Variants in DPY30 observed in about 807,000 individuals in gnomAD.
The protein encoded by DPY30 is protein dpy-30 homolog.
DPY30 carries 6 observed loss-of-function variants against 16.2 expected under a neutral mutation model. The observed-to-expected ratio is 0.37, with a 90% confidence interval of 0.20 to 0.73. DPY30 has a LOEUF of 0.73. Ranked by LOEUF, DPY30 falls within the 30% of genes least tolerant of loss-of-function variation. The pLI is 0.51. For missense variants in DPY30, 73 were observed against 113.1 expected, an observed-to-expected ratio of 0.65 and a Z score of 1.61; for synonymous variants, 39 against 38.8, an observed-to-expected ratio of 1.00 and a Z score of -0.02.
intron 3 of DPY30, among the ~76,000 whole-genome samples, chr2:32,037,883 T>C (rs922715197): frequency 2.6e-5 from 4 of 151,752 alleles, no homozygotes; most frequent in African/African-American, 9.7e-5. Flanking sequence ...ACAAGACATG[T>C]GTGATTCAGT....
chr2:32,012,426 T>C (rs1188042214), intron 5 of DPY30, among the ~76,000 whole-genome samples: 190 of 120,374 alleles, frequency 1.6e-3, no homozygotes, highest in Non-Finnish European at 2.3e-3. Context: ...TTTCTTTTTT[T>C]TTTTTTTTTT....
downstream of DPY30, chr2:32,023,699 G>A (rs1231185679): frequency 5.4e-6 from 7 of 1,299,240 alleles, no homozygotes; most frequent in Non-Finnish European, 7.1e-6. Flanking sequence ...TTAAGCCATT[G>A]AAGATGCCCA....
intron 3 of DPY30, among the ~76,000 whole-genome samples, chr2:32,034,141 T>C (rs1675650731): frequency 6.6e-6 from 1 of 152,170 alleles, no homozygotes; most frequent in South Asian, 2.1e-4. Flanking sequence ...ACTAAACATA[T>C]TGCCTTCCAG....
At chr2:32,025,801 G>GAA (rs764218451) in intron 4 of DPY30, among the ~76,000 whole-genome samples, 1 of 141,348 alleles carries the variant, frequency 7.1e-6, no homozygotes, top group Non-Finnish European at 1.5e-5. Flanking sequence ...GGGCCGGGGG[G>GAA]AAAAAAAAAA....
At chr2:32,014,782 C>T (rs1473331227) in intron 5 of DPY30, among the ~76,000 whole-genome samples, 28 of 151,012 alleles carry the variant, frequency 1.9e-4, no homozygotes, top group Middle Eastern at 3.4e-3. Context: ...CACGCCTGGC[C>T]GAGACCCCAT....
At chr2:32,012,598 C>G (rs1009393140) in intron 5 of DPY30, among the ~76,000 whole-genome samples, 5 of 151,676 alleles carry the variant, frequency 3.3e-5, no homozygotes, top group African/African-American at 1.2e-4. Flanking sequence ...CCACCATGCC[C>G]AGCTAATTTT....
chr2:32,012,572 G>A (rs1674978247), intron 5 of DPY30, among the ~76,000 whole-genome samples: 1 of 151,422 alleles, frequency 6.6e-6, no homozygotes, highest in Non-Finnish European at 1.5e-5. Context: ...CTGGGATCAT[G>A]GGTGCCCACC....
rs912601709 is a variant in DPY30, at chr2:32,030,065, A to C, written c.85-329T>G. ...ATGTATCTTCTTAGAGTGTGTTCCC[A>C]AAAAAAAAAAAAAAAAATAATGAAT... On this transcript the variant is annotated intron_variant, in intron 3 of 4. Transcript: ENST00000342166. 1.1e-4 allele frequency among the ~76,000 whole-genome samples: 13 copies of C among 123,592 alleles called. No individual in the cohort carries two copies. The East Asian group carries it at 1.5e-3, about 14-fold the overall frequency. 81.1% of individuals were successfully genotyped at this position (123,592 alleles called of 152,430 possible).
At chr2:32,038,198 T>A (rs1209142084) in intron 3 of DPY30, among the ~76,000 whole-genome samples, 1 of 145,764 alleles carries the variant, frequency 6.9e-6, no homozygotes, top group Non-Finnish European at 1.5e-5. Flanking sequence ...TGCAGTGGCA[T>A]GATCTCGGCT....
At chr2:32,031,057 C>T (rs544997646) in intron 3 of DPY30, among the ~76,000 whole-genome samples, 35 of 152,170 alleles carry the variant, frequency 2.3e-4, no homozygotes, top group Middle Eastern at 3.4e-3. Context: ...CAAATAGATT[C>T]GACTGACATT....
At chr2:32,016,742 T>G (rs956667237) in intron 5 of DPY30, among the ~76,000 whole-genome samples, 7 of 152,094 alleles carry the variant, frequency 4.6e-5, no homozygotes, top group African/African-American at 1.4e-4. Flanking sequence ...ATGAACTCAC[T>G]CTTAAGGGAT....
At chr2:32,031,108 C>T (rs1675521149) in intron 3 of DPY30, among the ~76,000 whole-genome samples, 1 of 152,174 alleles carries the variant, frequency 6.6e-6, no homozygotes, top group Non-Finnish European at 1.5e-5. Context: ...ATCGCACTCA[C>T]ATTTTTAAAA....
downstream of DPY30, chr2:32,021,003 T>C: frequency 6.7e-6 from 1 of 150,372 alleles, no homozygotes; most frequent in Non-Finnish European, 1.5e-5. Context: ...GCACGGTGGC[T>C]CACGCCTGTA....
chr2:32,017,714 T>G (rs746571286), intron 5 of DPY30, among the ~76,000 whole-genome samples: 8 of 152,228 alleles, frequency 5.3e-5, no homozygotes, highest in Non-Finnish European at 1.0e-4. Context: ...TCCAACTTAT[T>G]TATACCAGTT....
chr2:32,012,593 A>T (rs556006021), intron 5 of DPY30, among the ~76,000 whole-genome samples: 200 of 151,812 alleles, frequency 1.3e-3, no homozygotes, highest in Admixed American at 2.6e-3. Context: ...ACCATCCACC[A>T]TGCCCAGCTA....
chr2:32,029,818 G>A, intron 3 of DPY30, 82 bp from the exon 4 acceptor site: 1 of 1,479,902 alleles, frequency 6.8e-7, no homozygotes, highest in East Asian at 2.3e-5. Flanking sequence ...ATGGAAATAT[G>A]ACACTAATAG....
downstream of DPY30, among the ~76,000 whole-genome samples, chr2:32,023,039 T>C (rs1196434346): frequency 6.6e-6 from 1 of 151,702 alleles, no homozygotes; most frequent in Non-Finnish European, 1.5e-5. Context: ...CCCACCTAGC[T>C]GGGCATGGTG....
chr2:32,019,049 A>G (rs756855508), downstream of DPY30, among the ~76,000 whole-genome samples: 64 of 152,072 alleles, frequency 4.2e-4, 1 homozygote, highest in Non-Finnish European at 1.0e-4. Context: ...AAAACTTTCT[A>G]CAGTATGTAT....
At chr2:32,039,371 C>G (rs745885785) in intron 2 of DPY30, 45 bp from the exon 3 acceptor site, 1 of 1,614,174 alleles carries the variant, frequency 6.2e-7, no homozygotes, top group South Asian at 1.1e-5. Context: ...TCCCCCCTTT[C>G]TCGCTGCCTC....
Sources: allele counts gnomAD v4.1 joint callset (sites outside exome capture counted in the v4.1 genomes callset), GRCh38; gene constraint gnomAD v4.1.1; transcripts MANE v1.5; gene names NCBI Gene and HGNC (gene_info 2026-07-23, HGNC 2026-07-21).